The following SLC29A2 variants were observed in gnomAD, a reference collection of about 807,000 sequenced individuals.
The protein encoded by SLC29A2 is solute carrier family 29 member 2.
SLC29A2 carries 37 observed loss-of-function variants against 48.8 expected under a neutral mutation model. The observed-to-expected ratio is 0.76, with a 90% confidence interval of 0.58 to 1.00. The LOEUF (loss-of-function observed/expected upper bound fraction) is 1.00. Among genes scored for constraint, SLC29A2 ranks in the 50% least tolerant of loss-of-function variants. The pLI, the probability that SLC29A2 is intolerant of heterozygous loss-of-function variation, is 0.00. For synonymous variants in SLC29A2, 233 were observed against 261.7 expected, an observed-to-expected ratio of 0.89 and a Z score of 1.06; for missense variants, 533 against 578.6, an observed-to-expected ratio of 0.92 and a Z score of 0.81.
chr11:66,366,230 A>C lies in SLC29A2; in HGVS notation c.869T>G (p.Ile290Ser). The C allele has an allele frequency of 6.2e-7, 1 of 1,613,878 alleles. No homozygotes were observed. The highest frequency in any genetic ancestry group is 8.5e-7 in the Non-Finnish European group (1 of 1,179,786). ...KPSVFTVFQK[I>S]WLTALCLVLV... Reference sequence around the variant, plus strand: ...CACAAGGCACAGCGCTGTCAGCCAGATCTGGGAGCCAGAGGCAGGGGTGTG... The same window carrying C: ...CACAAGGCACAGCGCTGTCAGCCAGCTCTGGGAGCCAGAGGCAGGGGTGTG... Residue 290 changes from isoleucine (I) to serine (S), a missense_variant and splice_region_variant, in exon 9 of 12, where the codon ATC (isoleucine) becomes AGC (serine). Physicochemically the swap from Ile to Ser is moderately radical, Grantham distance 142 (BLOSUM62 -2). Coordinates refer to ENST00000357440, the MANE Select transcript of SLC29A2 (RefSeq NM_001532.3).
At position 66,368,628 on chromosome 11, in the gene SLC29A2, G is replaced by A. The variant is rs750612878; in HGVS notation, c.459C>T (p.Gly153=). The A allele has an allele frequency of 3.1e-6, 5 of 1,603,920 alleles. No homozygotes were observed. In the African/African-American group the frequency reaches 6.7e-5, roughly 21 times the overall value. The change falls in exon 5 of 12, where the codon GGC becomes GGT. Residue 153 remains glycine, a synonymous_variant. Transcript: ENST00000357440. Reference sequence around the variant, plus strand: ...GGGTGCTGTAGGTGGAGGGCATGGTGCCCAGCTGCCCGAAGAGGCTGCCCT... The same window carrying A: ...GGGTGCTGTAGGTGGAGGGCATGGTACCCAGCTGCCCGAAGAGGCTGCCCT... ...VLQGSLFGQL[G]TMPSTYSTLF...
chr11:66,363,822 C>G lies in SLC29A2; in HGVS notation c.1260-275G>C, dbSNP rs538361971. On this transcript the variant is annotated intron_variant, in intron 11 of 11. Transcript: ENST00000357440. ...GCCTGTCTGCCCTGCCAGCTTCATT[C>G]TCTCTGGATTCTCCACTCCATTGCC... 2.2e-5 allele frequency: 12 copies of G among 538,334 alleles called. No homozygotes were observed. The East Asian group carries it at 3.3e-4, about 15-fold the overall frequency. 33.3% of individuals were successfully genotyped at this position (538,334 alleles called of 1,614,324 possible).
At chr11:66,370,858 CAAA>C (rs35962792) in intron 2 of SLC29A2, among the ~76,000 whole-genome samples, 12 of 92,206 alleles carry the variant, frequency 1.3e-4, no homozygotes, top group Admixed American at 3.6e-4. Flanking sequence ...GACTCTGTCT[CAAA>C]AAAAAAAAAA....
Position 66,366,434 on chromosome 11 carries a change from C to G in SLC29A2, c.864G>C (p.Gln288His). 1 of 1,614,214 alleles carries G rather than the reference C, an allele frequency of 6.2e-7. No homozygotes were observed. Among genetic ancestry groups the G allele is most frequent in the Non-Finnish European group, 8.5e-7 (1 of 1,180,040 alleles). ...PGKPSVFTVF[Q>H]KIWLTALCLV... Reference sequence around the variant, plus strand: ...GGGGGCTGTATCCAAGCCAAACCTTCTGGAAGACAGTGAAGACTGAAGGTT... The same window carrying G: ...GGGGGCTGTATCCAAGCCAAACCTTGTGGAAGACAGTGAAGACTGAAGGTT... The change falls in exon 8 of 12, where the codon CAG becomes CAC. Residue 288 changes from glutamine to histidine, a missense_variant. Coordinates refer to ENST00000357440, the MANE Select transcript of SLC29A2 (RefSeq NM_001532.3).
At position 66,364,242 on chromosome 11, in the gene SLC29A2, G is replaced by C; in HGVS notation, c.1242C>G (p.Thr414=). The part of the protein sequence containing the change: ...AVSNGYLVSL[T]MCLAPRQVLP... ...CCCCGGACCTGGGCGCCAGGCACATGGTGAGGGACACCAGGTAGCCATTAG... is the reference window on the plus strand; with the variant it reads ...CCCCGGACCTGGGCGCCAGGCACATCGTGAGGGACACCAGGTAGCCATTAG... The change falls in exon 11 of 12, where the codon ACC becomes ACG. Residue 414 remains threonine (T), a synonymous_variant. Coordinates refer to ENST00000357440, the MANE Select transcript of SLC29A2 (RefSeq NM_001532.3). The C allele has an allele frequency of 6.3e-7, 1 of 1,599,932 alleles. No homozygotes were observed. The highest frequency in any genetic ancestry group is 2.3e-5 in the East Asian group (1 of 44,396).
Position 66,363,193 on chromosome 11 carries a change from TCCATGAG to T in SLC29A2, c.*236_*242del, listed in dbSNP as rs1855472389. 1 of 535,578 alleles carries T rather than the reference TCCATGAG, an allele frequency of 1.9e-6. No homozygotes were observed. 33.2% of individuals were successfully genotyped at this position (535,578 alleles called of 1,614,324 possible). A position where few individuals can be genotyped will look rare whatever the true frequency, so the allele number is the denominator to read the frequency against. The stretch of plus-strand genomic sequence containing the variant: ...CCTCTTTTCCCTAGTCATCACCCTT[TCCATGAG>T]GTCTTGTGCGAGTCACCCCCATTCC... On this transcript the variant is annotated 3_prime_UTR_variant, in exon 12 of 12. Transcript: ENST00000357440.
chr11:66,371,964 C>T, upstream of SLC29A2: 1 of 332,228 alleles, frequency 3.0e-6, no homozygotes, highest in South Asian at 3.8e-5. Context: ...TCCCGGATCC[C>T]TGCGGCGGAG....
At chr11:66,365,417 C>T (rs554999515) in intron 10 of SLC29A2, among the ~76,000 whole-genome samples, 2 of 152,362 alleles carry the variant, frequency 1.3e-5, no homozygotes, top group South Asian at 4.1e-4. Flanking sequence ...GTGCTCTCCA[C>T]CGCATCTACA....
chr11:66,368,967 G>A, intron 4 of SLC29A2, 93 bp downstream of exon 4: 2 of 1,458,132 alleles, frequency 1.4e-6, no homozygotes. Flanking sequence ...CCATGATGCT[G>A]TCTGCCCTTC....
chr11:66,368,956 A>G, intron 4 of SLC29A2, 104 bp downstream of exon 4: 1 of 1,424,692 alleles, frequency 7.0e-7, no homozygotes, highest in Admixed American at 2.0e-5. Flanking sequence ...GATATGAGCG[A>G]CCATGATGCT....
In SLC29A2 at chr11:66,367,501, A is replaced by C; in HGVS notation, c.696T>G (p.Ala232=). The C allele has an allele frequency of 6.2e-7, 1 of 1,614,080 alleles. No individual in the cohort carries two copies. The highest frequency in any genetic ancestry group is 8.5e-7 in the Non-Finnish European group (1 of 1,179,998). ...YLANKSSQAQ[A]QELETKAELL... ...GCTCAGCTTTGGTCTCCAGCTCCTG[A>C]GCTTGGGCCTGGGATGATTTATTGG... is the stretch of plus-strand genomic sequence containing the variant. The change falls in exon 7 of 12, where the codon GCT becomes GCG. Residue 232 remains alanine, a synonymous_variant. Coordinates refer to ENST00000357440, the MANE Select transcript of SLC29A2 (RefSeq NM_001532.3).
At chr11:66,364,155 G>T in intron 11 of SLC29A2, 70 bp downstream of exon 11, 1 of 1,278,748 alleles carries the variant, frequency 7.8e-7, no homozygotes, top group South Asian at 1.3e-5. Context: ...TCCATTGCAG[G>T]CGGTCCCTTC....
At position 66,364,393 on chromosome 11, in the gene SLC29A2, A is replaced by AG; in HGVS notation, c.1090dup (p.Leu364ProfsTer44). ...CACGAACAGGAACCGCAGGCAGACC[A>AG]GCAGGGGCAGCAGCCGGCTGTCCTC... is the stretch of plus-strand genomic sequence containing the variant. On this transcript the variant is annotated frameshift_variant, in exon 11 of 12. Coordinates refer to ENST00000357440, the MANE Select transcript of SLC29A2 (RefSeq NM_001532.3). LOFTEE classifies it high-confidence loss of function. 1 of 1,613,508 alleles carries AG rather than the reference A, an allele frequency of 6.2e-7. No homozygotes were observed. The highest frequency in any genetic ancestry group is 8.5e-7 in the Non-Finnish European group (1 of 1,179,820).
chr11:66,367,811 G>A lies in SLC29A2; in HGVS notation c.609C>T (p.Ile203=), dbSNP rs774273860. ...LGYFITPCVG[I]LMSIVCYLSL... ...TCAGGTAACACACGATGGACATGAG[G>A]ATGCCCACACAGGGCGTGATAAAGT... Residue 203 remains isoleucine, a synonymous_variant, in exon 6 of 12, where the codon ATC becomes ATT. Coordinates refer to ENST00000357440, the MANE Select transcript of SLC29A2 (RefSeq NM_001532.3). 1 of 1,614,220 alleles carries A rather than the reference G, an allele frequency of 6.2e-7. No individual in the cohort carries two copies. The highest frequency in any genetic ancestry group is 1.7e-5 in the Admixed American group (1 of 60,034).
At chr11:66,366,861 C>G (rs940411286) in intron 7 of SLC29A2, among the ~76,000 whole-genome samples, 1 of 152,156 alleles carries the variant, frequency 6.6e-6, no homozygotes, top group Admixed American at 6.5e-5. Context: ...AGGTGGCTCA[C>G]TTGAGCCCAG....
At chr11:66,369,764 C>A (rs1855927384) in intron 2 of SLC29A2, among the ~76,000 whole-genome samples, 1 of 152,210 alleles carries the variant, frequency 6.6e-6, no homozygotes, top group Admixed American at 6.5e-5. Context: ...CTCGATCCAG[C>A]CTTGGACGGC....
intron 7 of SLC29A2, 139 bp downstream of exon 7, chr11:66,367,325 C>G: frequency 3.9e-6 from 3 of 773,368 alleles, no homozygotes; most frequent in Non-Finnish European, 4.6e-6. Flanking sequence ...ATCCTACCAA[C>G]TTCCCTTCAT....
chr11:66,369,333 C>T (rs764315267), intron 3 of SLC29A2, 36 bp downstream of exon 3: 13 of 1,613,032 alleles, frequency 8.1e-6, no homozygotes, highest in Admixed American at 1.7e-5. Flanking sequence ...GAAGCTGCCT[C>T]GGCAGAGGGC....
intron 8 of SLC29A2, 40 bp from the exon 9 acceptor site, chr11:66,366,271 C>A (rs369087070): frequency 1.3e-6 from 2 of 1,598,640 alleles, no homozygotes; most frequent in South Asian, 2.2e-5. Context: ...GCAGGGCAGT[C>A]CCAGGGCCCC....
Sources: gnomAD v4.1 joint callset for allele counts (sites outside exome capture counted in the v4.1 genomes callset) on GRCh38, gnomAD v4.1.1 for gene constraint, MANE v1.5 for transcripts, NCBI Gene and HGNC (gene_info 2026-07-23, HGNC 2026-07-21) for gene names.